HOXD3: variants seen among roughly 807,000 people sequenced by gnomAD.
The protein encoded by HOXD3 is homeobox D3.
A neutral mutation model predicts 32.8 loss-of-function variants in HOXD3; 13 were observed. That is an observed-to-expected ratio of 0.40 (90% CI 0.26 to 0.63). The LOEUF is 0.63. Among genes scored for constraint, HOXD3 ranks in the 20% least tolerant of loss-of-function variants. The pLI is 0.44. For synonymous variants in HOXD3, 241 were observed against 246.8 expected, an observed-to-expected ratio of 0.98 and a Z score of 0.22; for missense variants, 504 against 577.1, an observed-to-expected ratio of 0.87 and a Z score of 1.30.
In HOXD3 at chr2:176,169,285, C is replaced by A. The variant is rs762560374; in HGVS notation, c.171C>A (p.Ser57Arg). ...CCTACCCACCCCCTGCTGCTGCCAG[C>A]TCCCTGGACACTGACTATCCAGGTT... ...HQPYPPPAAA[S>R]SLDTDYPGSA... Residue 57 changes from serine (S) to arginine (R), a missense_variant, in exon 3 of 4, where the codon AGC becomes AGA. This residue lies in a region of HOXD3 where 181 missense variants were observed against 172.2 expected (regional missense o/e 1.05). Transcript: ENST00000683222. 5 of 1,614,110 alleles carry A rather than the reference C, an allele frequency of 3.1e-6. No homozygotes were observed. The South Asian group carries it at 5.5e-5, about 18-fold the overall frequency.
chr2:176,155,788 A>G (rs767552195), upstream of HOXD3, among the ~76,000 whole-genome samples: 3 of 152,206 alleles, frequency 2.0e-5, no homozygotes, highest in Admixed American at 6.5e-5. Context: ...TGTTTTAAAA[A>G]CAAAAACAAA....
chr2:176,163,140 G>A (rs975912088), intron 1 of HOXD3, among the ~76,000 whole-genome samples: 1 of 152,224 alleles, frequency 6.6e-6, no homozygotes, highest in Non-Finnish European at 1.5e-5. Flanking sequence ...CTTCTGTTGG[G>A]TGTTCATTAA....
intron 2 of HOXD3, among the ~76,000 whole-genome samples, chr2:176,167,958 G>C (rs1243089236): frequency 2.0e-5 from 3 of 152,108 alleles, no homozygotes; most frequent in Non-Finnish European, 4.4e-5. Flanking sequence ...GAGGCTATAA[G>C]TACTTTTCCA....
intron 1 of HOXD3, among the ~76,000 whole-genome samples, chr2:176,159,162 G>A (rs1030577616): frequency 6.6e-6 from 1 of 152,002 alleles, no homozygotes; most frequent in Admixed American, 6.5e-5. Flanking sequence ...CCCCTCTTTG[G>A]CTGGGGATTA....
chr2:176,160,990 T>C (rs568443140), intron 1 of HOXD3: 1 of 152,332 alleles, frequency 6.6e-6, no homozygotes, highest in South Asian at 2.1e-4. Flanking sequence ...GACAGTGTTG[T>C]CTGCAGACAA....
chr2:176,169,237 C>G lies in HOXD3; in HGVS notation c.123C>G (p.Tyr41Ter). The change falls in exon 3 of 4, where the codon TAC becomes TAG. Residue 41 changes from tyrosine to a stop codon, truncating the protein, a stop_gained. Coordinates refer to ENST00000683222, the MANE Select transcript of HOXD3 (RefSeq NM_006898.5). LOFTEE classifies it high-confidence loss of function. Reference protein sequence around the residue: ...GYGYSKTTDTYGYSTPHQPYP... With the variant: ...GYGYSKTTDT ...GCTACAGCAAAACTACGGACACTTA[C>G]GGCTACAGCACCCCCCACCAGCCCT... 1 of 1,614,088 alleles carries G rather than the reference C, an allele frequency of 6.2e-7. No homozygotes were observed. The highest frequency in any genetic ancestry group is 8.5e-7 in the Non-Finnish European group (1 of 1,179,956).
intron 3 of HOXD3, among the ~76,000 whole-genome samples, chr2:176,170,636 C>T (rs1041640049): frequency 6.6e-6 from 1 of 152,120 alleles, no homozygotes; most frequent in Non-Finnish European, 1.5e-5. Flanking sequence ...TCTGGTTTGC[C>T]TGATGTTTTC....
intron 2 of HOXD3, chr2:176,164,755 C>G (rs1316012731): frequency 6.6e-6 from 1 of 152,224 alleles, no homozygotes; most frequent in Non-Finnish European, 1.5e-5. Context: ...CCTTCCCCCT[C>G]TCTTTCAACT....
chr2:176,155,215 G>A (rs1690619953), upstream of HOXD3, among the ~76,000 whole-genome samples: 2 of 152,052 alleles, frequency 1.3e-5, no homozygotes, highest in Admixed American at 1.3e-4. Context: ...TCTTTGAGAA[G>A]GGGAAAAAGG....
At chr2:176,159,655 C>T (rs1023764616) in intron 1 of HOXD3, among the ~76,000 whole-genome samples, 80 of 152,340 alleles carry the variant, frequency 5.3e-4, no homozygotes, top group Admixed American at 1.5e-3. Context: ...ATTCTTTTTT[C>T]CCACATTGCA....
In HOXD3 at chr2:176,172,120, C is replaced by T. The variant is rs1380499689; in HGVS notation, c.1145C>T (p.Pro382Leu). The T allele has an allele frequency of 1.9e-6, 3 of 1,613,090 alleles. No individual in the cohort carries two copies. Among genetic ancestry groups the T allele is most frequent in the South Asian group, 2.2e-5 (2 of 91,082 alleles). ...PVFNLGHLSH[P>L]SSASVDYSCA... ...TTCAACCTGGGCCACCTCTCGCACCCGTCGTCGGCCAGCGTGGACTACAGT... is the reference window on the plus strand; with the variant it reads ...TTCAACCTGGGCCACCTCTCGCACCTGTCGTCGGCCAGCGTGGACTACAGT... Residue 382 changes from proline (P) to leucine (L), a missense_variant, in exon 4 of 4, where the codon CCG (proline) becomes CTG (leucine). Pro to Leu is a moderately conservative substitution (Grantham distance 98). This residue lies in a region of HOXD3 where 226 missense variants were observed against 246.9 expected (regional missense o/e 0.92). Coordinates refer to ENST00000683222, the MANE Select transcript of HOXD3 (RefSeq NM_006898.5).
At chr2:176,153,159 A>G (rs921221103), upstream of HOXD3, 1 of 582,424 alleles carries the variant, frequency 1.7e-6, no homozygotes, top group Non-Finnish European at 3.1e-6. Flanking sequence ...TCTCTCTCTA[A>G]GTATATTATA....
chr2:176,169,782 C>A, intron 3 of HOXD3, 127 bp downstream of exon 3: 2 of 1,221,828 alleles, frequency 1.6e-6, no homozygotes, highest in South Asian at 3.1e-5. Context: ...TCAAAATGTT[C>A]TTTTTTTTAG....
intron 3 of HOXD3, 70 bp downstream of exon 3, chr2:176,169,725 G>A: frequency 6.6e-7 from 1 of 1,508,802 alleles, no homozygotes; most frequent in Non-Finnish European, 8.9e-7. Flanking sequence ...CCTAGTCAGG[G>A]CTGGAAATGC....
At chr2:176,166,946 G>T (rs1690989673) in intron 2 of HOXD3, among the ~76,000 whole-genome samples, 1 of 152,152 alleles carries the variant, frequency 6.6e-6, no homozygotes, top group South Asian at 2.1e-4. Context: ...TAGATGATGT[G>T]GTACATCATG....
chr2:176,154,899 G>T (rs753593197), upstream of HOXD3, among the ~76,000 whole-genome samples: 1 of 152,306 alleles, frequency 6.6e-6, no homozygotes, highest in Non-Finnish European at 1.5e-5. Context: ...TAGTCAAGAC[G>T]TCTTTTTTCT....
At chr2:176,158,512 T>C (rs887828446) in intron 1 of HOXD3, among the ~76,000 whole-genome samples, 14 of 152,274 alleles carry the variant, frequency 9.2e-5, no homozygotes, top group South Asian at 6.2e-4. Flanking sequence ...GATACCTCCA[T>C]TGGCTTTCAG....
At chr2:176,156,750 G>T (rs184718444), upstream of HOXD3, among the ~76,000 whole-genome samples, 542 of 152,072 alleles carry the variant, frequency 3.6e-3, 6 homozygotes, top group African/African-American at 0.012. Flanking sequence ...TCTTGGCCTC[G>T]CCTTGAAGAA....
At chr2:176,152,778 T>C (rs1353909411), upstream of HOXD3, 2 of 1,614,158 alleles carry the variant, frequency 1.2e-6, no homozygotes, top group Admixed American at 3.3e-5. This position sits in a 1 kb window ranked among gnomAD's most constrained non-coding sequence, Gnocchi z 5.2. Flanking sequence ...CAAGATCTGG[T>C]TCCAGAACCG....
Sources: allele counts gnomAD v4.1 joint callset (sites outside exome capture counted in the v4.1 genomes callset), GRCh38; gene constraint gnomAD v4.1.1; regional missense constraint gnomAD v4.1.1; non-coding constraint Gnocchi (gnomAD v3.1); transcripts MANE v1.5; gene names NCBI Gene and HGNC (gene_info 2026-07-23, HGNC 2026-07-21).